The following TRIP12 variants were observed in gnomAD, a reference collection of about 807,000 sequenced individuals.
TRIP12 encodes E3 ubiquitin-protein ligase TRIP12.
Under a neutral mutation model 244.2 loss-of-function variants are expected in TRIP12, and 25 were observed. The observed-to-expected ratio is 0.10, with a 90% CI of 0.07 to 0.14. The LOEUF (loss-of-function observed/expected upper bound fraction) is 0.14. Ranked by LOEUF, TRIP12 falls within the 10% of genes least tolerant of loss-of-function variation. The pLI, the probability that TRIP12 is intolerant of heterozygous loss-of-function variation, is 1.00. For missense variants in TRIP12, 1,677 were observed against 2,486.4 expected, an observed-to-expected ratio of 0.67 and a Z score of 6.92; for synonymous variants, 905 against 873.1, an observed-to-expected ratio of 1.04 and a Z score of -0.64.
At chr2:229,920,168 C>T (rs1469767273) in intron 1 of TRIP12, among the ~76,000 whole-genome samples, 1 of 152,126 alleles carries the variant, frequency 6.6e-6, no homozygotes, top group African/African-American at 2.4e-5. Flanking sequence ...TTTTACCCCA[C>T]TCAATAGCTC....
chr2:229,892,028 G>A (rs2067483201), intron 1 of TRIP12, among the ~76,000 whole-genome samples: 1 of 152,218 alleles, frequency 6.6e-6, no homozygotes, highest in Non-Finnish European at 1.5e-5. Context: ...TTCATAGACA[G>A]AACATTGTTA....
intron 9 of TRIP12, 106 bp from the exon 10 acceptor site, chr2:229,815,414 C>G: frequency 1.5e-6 from 1 of 663,084 alleles, no homozygotes; most frequent in South Asian, 2.1e-5. Flanking sequence ...AGTATTATTC[C>G]TAACTTTTAC....
Position 229,810,887 on chromosome 2 carries a change from C to A in TRIP12, c.2214G>T (p.Met738Ile), listed in dbSNP as rs765842939. Residue 738 changes from methionine (M) to isoleucine (I), a missense_variant, in exon 15 of 42, where the codon ATG becomes ATT. Coordinates refer to ENST00000675903, the MANE Select transcript of TRIP12 (RefSeq NM_001348323.3). ...CAGTAAATTTGCACTTACTTTGTTTCATAAGTTGAACAGCTAAAGTTGGAC... is the reference window on the plus strand; with the variant it reads ...CAGTAAATTTGCACTTACTTTGTTTAATAAGTTGAACAGCTAAAGTTGGAC... ...SNCPTLAVQL[M>I]KQNIAETLHF... The A allele has an allele frequency of 8.7e-6, 14 of 1,612,850 alleles. No homozygotes were observed. The highest frequency in any genetic ancestry group is 4.0e-5 in the African/African-American group (3 of 74,882).
intron 8 of TRIP12, among the ~76,000 whole-genome samples, chr2:229,827,478 AT>A (rs953541544): frequency 6.6e-6 from 1 of 151,826 alleles, no homozygotes; most frequent in African/African-American, 2.4e-5. Flanking sequence ...TATTATTATT[AT>A]TTTTTTGGTT....
chr2:229,799,444 C>T, intron 21 of TRIP12, 61 bp from the exon 22 acceptor site: 2 of 1,476,620 alleles, frequency 1.4e-6, no homozygotes, highest in Non-Finnish European at 1.9e-6. Context: ...TCTTCACTCA[C>T]TGAAAAAGCA....
intron 15 of TRIP12, among the ~76,000 whole-genome samples, chr2:229,810,007 C>T (rs911403355): frequency 1.3e-5 from 2 of 152,136 alleles, no homozygotes; most frequent in Non-Finnish European, 2.9e-5. Context: ...AGAATTATGG[C>T]TATGAAATTA....
At chr2:229,862,218 A>G (rs1309272885) in intron 2 of TRIP12, among the ~76,000 whole-genome samples, 1 of 152,274 alleles carries the variant, frequency 6.6e-6, no homozygotes, top group South Asian at 2.1e-4. Flanking sequence ...ATATTCTCCC[A>G]TTGCAGACTA....
At chr2:229,814,174 G>T (rs755191958) in intron 12 of TRIP12, 59 bp downstream of exon 12, 53 of 1,585,904 alleles carry the variant, frequency 3.3e-5, no homozygotes, top group Non-Finnish European at 4.5e-5. Context: ...CTGTACAAAT[G>T]TGGATTTTAA....
intron 6 of TRIP12, among the ~76,000 whole-genome samples, chr2:229,835,478 C>T (rs1173880561): frequency 1.3e-5 from 2 of 152,198 alleles, no homozygotes; most frequent in Non-Finnish European, 2.9e-5. Flanking sequence ...GACAACAATG[C>T]TGTTACAAAT....
At chr2:229,851,386 G>GT (rs2058674446) in intron 4 of TRIP12, among the ~76,000 whole-genome samples, 2 of 152,096 alleles carry the variant, frequency 1.3e-5, no homozygotes, top group African/African-American at 4.8e-5. Context: ...AGCTAATCTG[G>GT]TGGGGACATG....
intron 1 of TRIP12, among the ~76,000 whole-genome samples, chr2:229,880,495 A>G (rs75332074): frequency 0.012 from 1,902 of 152,320 alleles, 46 homozygotes; most frequent in African/African-American, 0.044. Flanking sequence ...TCAAAAGATG[A>G]TGGCTCAAGT....
At chr2:229,898,940 C>T (rs2069758687) in intron 1 of TRIP12, among the ~76,000 whole-genome samples, 3 of 152,206 alleles carry the variant, frequency 2.0e-5, no homozygotes, top group Admixed American at 6.5e-5. Context: ...TGGCTTCAAA[C>T]GTTCCTCCAA....
intron 13 of TRIP12, among the ~76,000 whole-genome samples, chr2:229,812,043 C>T (rs939590870): frequency 4.6e-5 from 7 of 152,112 alleles, no homozygotes; most frequent in Admixed American, 4.6e-4. Context: ...ACAGAGAACA[C>T]GCTTTTAGAC....
At chr2:229,818,200 C>A (rs1195843034) in intron 9 of TRIP12, among the ~76,000 whole-genome samples, 164 bp downstream of exon 9, 1 of 152,194 alleles carries the variant, frequency 6.6e-6, no homozygotes, top group African/African-American at 2.4e-5. Flanking sequence ...AGCAATTGCT[C>A]ACAGTATCTG....
chr2:229,767,744 C>T lies in TRIP12; in HGVS notation c.6014G>A (p.Arg2005Gln), dbSNP rs896265483. The T allele has an allele frequency of 1.9e-6, 3 of 1,605,554 alleles. No individual in the cohort carries two copies. Among genetic ancestry groups the T allele is most frequent in the Non-Finnish European group, 2.5e-6 (3 of 1,177,596 alleles). Residue 2005 changes from arginine (R) to glutamine (Q), a missense_variant, in exon 42 of 42, where the codon CGG (arginine) becomes CAG (glutamine). Arg to Gln is a conservative substitution (Grantham distance 43). Transcript: ENST00000675903. Reference sequence around the variant, plus strand: ...AATTGTCAAAGGTGGATTCAAACTCCGGAATCCTGATTAAGAGAAAAAGAA... The same window carrying T: ...AATTGTCAAAGGTGGATTCAAACTCTGGAATCCTGATTAAGAGAAAAAGAA... ...GSPRLPVGGF[R>Q]SLNPPLTIVR...
chr2:229,789,661 G>C lies in TRIP12; in HGVS notation c.4645C>G (p.Leu1549Val). The C allele has an allele frequency of 6.2e-7, 1 of 1,614,038 alleles. No individual in the cohort carries two copies. The highest frequency in any genetic ancestry group is 8.5e-7 in the Non-Finnish European group (1 of 1,179,956). ...FEDPSLDVIL[L>V]LRVLHAISRY... ...CTGATAGCATGTAAAACTCTTAAAA[G>C]AAGGATCACATCTAATGACGGGTCT... Residue 1549 changes from leucine (L) to valine (V), a missense_variant, in exon 31 of 42, where the codon CTT becomes GTT. Physicochemically the swap from Leu to Val is conservative, Grantham distance 32. Transcript: ENST00000675903.
chr2:229,875,419 T>C (rs2063409520), intron 2 of TRIP12, among the ~76,000 whole-genome samples: 1 of 152,214 alleles, frequency 6.6e-6, no homozygotes, highest in Non-Finnish European at 1.5e-5. Flanking sequence ...AAATGAATCC[T>C]AGCACAAATC....
chr2:229,916,912 C>T (rs1294928980), intron 1 of TRIP12, among the ~76,000 whole-genome samples: 2 of 151,218 alleles, frequency 1.3e-5, no homozygotes, highest in Non-Finnish European at 2.9e-5. Flanking sequence ...GTATACTTAT[C>T]TATTTATTAC....
At chr2:229,818,073 T>C (rs1362672777) in intron 9 of TRIP12, among the ~76,000 whole-genome samples, 2 of 152,156 alleles carry the variant, frequency 1.3e-5, no homozygotes, top group Non-Finnish European at 2.9e-5. Context: ...ATGTGCATTT[T>C]ACATGGCAGG....
Sources: allele counts gnomAD v4.1 joint callset (sites outside exome capture counted in the v4.1 genomes callset), GRCh38; gene constraint gnomAD v4.1.1; transcripts MANE v1.5; gene names NCBI Gene and HGNC (gene_info 2026-07-23, HGNC 2026-07-21).